Variants in PLXNA4 observed in about 807,000 individuals in gnomAD.
PLXNA4 encodes the protein plexin-A4.
PLXNA4 carries 44 observed loss-of-function variants against 191.8 expected under a neutral mutation model. The ratio of observed to expected loss-of-function variants is 0.23; its 90% CI spans 0.18 to 0.29. PLXNA4 has a LOEUF of 0.29. Ranked by LOEUF, PLXNA4 falls within the 10% of genes least tolerant of loss-of-function variation. The pLI is 1.00. For missense variants in PLXNA4, 1,800 were observed against 2,488.8 expected, an observed-to-expected ratio of 0.72 and a Z score of 5.89; for synonymous variants, 1,082 against 1,009.5, an observed-to-expected ratio of 1.07 and a Z score of -1.36.
rs73723747 is a variant in PLXNA4 at position 132,221,502 on chromosome 7, T to C, written c.2097+2025A>G. On this transcript the variant is annotated intron_variant, in intron 9 of 31. Transcript: ENST00000321063. ...CTCACATCCCTGTCCCCAGCCTTGGTAGGTCAACCAGTCCTTCTGCTCCTG... is the reference window on the plus strand; with the variant it reads ...CTCACATCCCTGTCCCCAGCCTTGGCAGGTCAACCAGTCCTTCTGCTCCTG... Among the ~76,000 whole-genome samples, 1,394 of 152,298 alleles carry C rather than the reference T, an allele frequency of 9.2e-3. 23 individuals carry two copies. The highest frequency in any genetic ancestry group is 0.032 in the African/African-American group (1,313 of 41,574).
intron 8 of PLXNA4, 131 bp from the exon 9 acceptor site, chr7:132,223,772 A>G: frequency 1.5e-6 from 1 of 683,474 alleles, no homozygotes; most frequent in Non-Finnish European, 2.6e-6. Context: ...CAGGAAGGGC[A>G]GATCTTATGC....
At chr7:132,235,885 T>G (rs868553117) in intron 5 of PLXNA4, among the ~76,000 whole-genome samples, 4 of 152,264 alleles carry the variant, frequency 2.6e-5, no homozygotes, top group Admixed American at 6.5e-5. Flanking sequence ...TACGCTTTCC[T>G]TTACCTTCAC....
At chr7:132,597,855 C>A (rs374969391) in intron 2 of PLXNA4, among the ~76,000 whole-genome samples, 53 of 52,034 alleles carry the variant, frequency 1.0e-3, no homozygotes, top group South Asian at 5.4e-3. Flanking sequence ...CTCTCTCTCT[C>A]TCTCTATATA....
Position 132,182,718 on chromosome 7 carries a change from G to A in PLXNA4, c.3159-528C>T, listed in dbSNP as rs113453794. 2.4e-3 allele frequency among the ~76,000 whole-genome samples: 366 copies of A among 152,304 alleles called. 3 individuals are homozygous for A. Among genetic ancestry groups the A allele is most frequent in the African/African-American group, 8.5e-3 (354 of 41,570 alleles). ...TCGATCAGGCTGAGATCTGGGAAAGGCAGAGGGTCCATGAATGCAAATGTG... is the reference window on the plus strand; with the variant it reads ...TCGATCAGGCTGAGATCTGGGAAAGACAGAGGGTCCATGAATGCAAATGTG... On this transcript the variant is annotated intron_variant, in intron 16 of 31. Coordinates refer to ENST00000321063, the MANE Select transcript of PLXNA4 (RefSeq NM_020911.2).
chr7:132,504,973 G>A (rs561898104), intron 2 of PLXNA4, among the ~76,000 whole-genome samples: 6 of 152,196 alleles, frequency 3.9e-5, no homozygotes, highest in Admixed American at 6.5e-5. Context: ...CAGGAGGGTG[G>A]GAGCAAAGGA....
chr7:132,569,287 C>T (rs1284515238), intron 1 of PLXNA4, among the ~76,000 whole-genome samples: 2 of 152,208 alleles, frequency 1.3e-5, no homozygotes, highest in Non-Finnish European at 2.9e-5. Context: ...GTTCTCCTTC[C>T]TTCCCTACCT....
intron 12 of PLXNA4, among the ~76,000 whole-genome samples, chr7:132,198,868 T>C (rs1486496322): frequency 1.3e-5 from 2 of 152,180 alleles, no homozygotes; most frequent in African/African-American, 2.4e-5. Context: ...ATGGTACATC[T>C]TTCCATTTCA....
intron 3 of PLXNA4, among the ~76,000 whole-genome samples, chr7:132,378,768 A>G (rs1409436870): frequency 2.0e-5 from 3 of 151,832 alleles, no homozygotes; most frequent in African/African-American, 7.3e-5. Flanking sequence ...ACTCAATGGT[A>G]TCAGGAGGTT....
At chr7:132,593,574 A>G (rs1802645182) in intron 2 of PLXNA4, among the ~76,000 whole-genome samples, 1 of 152,216 alleles carries the variant, frequency 6.6e-6, no homozygotes, top group Admixed American at 6.5e-5. Flanking sequence ...AGGCCACCCT[A>G]CAGGACAGGT....
chr7:132,550,599 A>T (rs1182792568), intron 1 of PLXNA4, among the ~76,000 whole-genome samples: 1 of 152,228 alleles, frequency 6.6e-6, no homozygotes, highest in Admixed American at 6.5e-5. Context: ...TAACCAAAAT[A>T]TGACTTTATT....
At chr7:132,538,583 A>G (rs1282294221) in intron 1 of PLXNA4, among the ~76,000 whole-genome samples, 1 of 152,170 alleles carries the variant, frequency 6.6e-6, no homozygotes, top group Non-Finnish European at 1.5e-5. Context: ...AATCTCTCAA[A>G]CTTACTTTAT....
At chr7:132,592,067 G>A (rs374180160) in intron 2 of PLXNA4, among the ~76,000 whole-genome samples, 2 of 152,140 alleles carry the variant, frequency 1.3e-5, no homozygotes, top group African/African-American at 4.8e-5. Context: ...GAGGTGACCC[G>A]CCAGCTCATG....
intron 13 of PLXNA4, among the ~76,000 whole-genome samples, chr7:132,197,707 G>A (rs1797295735): frequency 1.3e-5 from 2 of 152,146 alleles, no homozygotes; most frequent in Admixed American, 1.3e-4. Context: ...TGGCTGTACT[G>A]ATGGTTCAGA....
intron 3 of PLXNA4, among the ~76,000 whole-genome samples, chr7:132,483,196 C>G (rs944241669): frequency 6.6e-6 from 1 of 152,152 alleles, no homozygotes; most frequent in Non-Finnish European, 1.5e-5. Context: ...CACTGCCTTC[C>G]CCATCAGAGT....
At chr7:132,237,103 A>C (rs952927648) in intron 5 of PLXNA4, among the ~76,000 whole-genome samples, 3 of 152,252 alleles carry the variant, frequency 2.0e-5, no homozygotes, top group African/African-American at 7.2e-5. Context: ...TGTCTTTGTC[A>C]AAGCTTTCAA....
At chr7:132,150,243 C>T (rs746348632) in intron 25 of PLXNA4, among the ~76,000 whole-genome samples, 8 of 152,130 alleles carry the variant, frequency 5.3e-5, no homozygotes, top group South Asian at 2.1e-4. Context: ...TGGTCACTAG[C>T]GTTTTTGCTT....
chr7:132,377,528 A>ATCCTC (rs994508640), intron 3 of PLXNA4, among the ~76,000 whole-genome samples: 4 of 152,146 alleles, frequency 2.6e-5, no homozygotes, highest in Non-Finnish European at 5.9e-5. Context: ...AAGATGTGAC[A>ATCCTC]TCCTCTCCCA....
At chr7:132,627,666 T>C (rs1194336548) in intron 2 of PLXNA4, among the ~76,000 whole-genome samples, 2 of 152,236 alleles carry the variant, frequency 1.3e-5, no homozygotes, top group African/African-American at 4.8e-5. Flanking sequence ...GTGAACTCAC[T>C]AGGCCCTTTT....
chr7:132,255,551 T>TC (rs1799402792), intron 4 of PLXNA4, among the ~76,000 whole-genome samples: 1 of 152,210 alleles, frequency 6.6e-6, no homozygotes, highest in South Asian at 2.1e-4. Flanking sequence ...TCCAGATGTG[T>TC]CCCTGTGATT....
Sources: allele counts gnomAD v4.1 joint callset (sites outside exome capture counted in the v4.1 genomes callset), GRCh38; gene constraint gnomAD v4.1.1; transcripts MANE v1.5; gene names NCBI Gene and HGNC (gene_info 2026-07-23, HGNC 2026-07-21).